ADAMTS17: variants seen among roughly 807,000 people sequenced by gnomAD.
The protein encoded by ADAMTS17 is A disintegrin and metalloproteinase with thrombospondin motifs 17.
Under a neutral mutation model 141.5 loss-of-function variants are expected in ADAMTS17, and 113 were observed. The ratio of observed to expected loss-of-function variants is 0.80; its 90% CI spans 0.69 to 0.93. The LOEUF is 0.93. Ranked by LOEUF, ADAMTS17 falls within the 40% of genes least tolerant of loss-of-function variation. ADAMTS17 has a pLI of 0.00. For synonymous variants in ADAMTS17, 768 were observed against 630.6 expected (o/e 1.22, Z -3.27); for missense variants, 1,659 against 1,517.9 (o/e 1.09, Z -1.54).
At position 100,277,275 on chromosome 15, in the gene ADAMTS17, A is replaced by AG. The variant is rs200931874; in HGVS notation, c.789+3953dup. Among the ~76,000 whole-genome samples, 1,355 of 152,104 alleles carry AG rather than the reference A, an allele frequency of 8.9e-3. 13 individuals carry two copies. The highest frequency in any genetic ancestry group is 0.015 in the Non-Finnish European group (997 of 67,972). ...AGTGTCTTAGTACAAGCAGCTGAAGAGGGGTGCAGGGTGTTTAATCAAAGG... is the reference window on the plus strand; with the variant it reads ...AGTGTCTTAGTACAAGCAGCTGAAGAGGGGGTGCAGGGTGTTTAATCAAAGG... On this transcript the variant is annotated intron_variant, in intron 4 of 21. Coordinates refer to ENST00000268070, the MANE Select transcript of ADAMTS17 (RefSeq NM_139057.4).
intron 3 of ADAMTS17, among the ~76,000 whole-genome samples, chr15:100,306,747 A>C (rs1218746996): frequency 6.6e-6 from 1 of 152,144 alleles, no homozygotes; most frequent in Admixed American, 6.5e-5. Flanking sequence ...CCATGCTCGA[A>C]CTCGGTAGAA....
chr15:100,330,901 T>G lies in ADAMTS17; in HGVS notation c.604A>C (p.Lys202Gln), dbSNP rs376700104. 3 of 1,614,176 alleles carry G rather than the reference T, an allele frequency of 1.9e-6. No individual in the cohort carries two copies. Among genetic ancestry groups the G allele is most frequent in the Non-Finnish European group, 2.5e-6 (3 of 1,180,028 alleles). ...TGCCCCGACTCACCTGTTAGAACCT[T>G]GCAGAGCTGCTCAGGTCTCTGGGCC... ...AEAQRPEQLCKVLTEKKKPTW... is the reference protein window; with the variant it reads ...AEAQRPEQLCQVLTEKKKPTW... Residue 202 changes from lysine (K) to glutamine (Q), a missense_variant, in exon 3 of 22, where the codon AAG becomes CAG. Physicochemically the swap from Lys to Gln is moderately conservative, Grantham distance 53. Coordinates refer to ENST00000268070, the MANE Select transcript of ADAMTS17 (RefSeq NM_139057.4).
intron 15 of ADAMTS17, among the ~76,000 whole-genome samples, chr15:100,057,126 G>A (rs376829133): frequency 2.6e-5 from 4 of 152,056 alleles, no homozygotes; most frequent in Non-Finnish European, 5.9e-5. Flanking sequence ...AGTTCTGGGC[G>A]GGGTGATGGA....
chr15:100,181,538 A>C (rs1486675806), intron 8 of ADAMTS17, among the ~76,000 whole-genome samples: 3 of 152,206 alleles, frequency 2.0e-5, no homozygotes, highest in Non-Finnish European at 4.4e-5. Flanking sequence ...GTTATGAATG[A>C]TGCCAGGACT....
intron 18 of ADAMTS17, among the ~76,000 whole-genome samples, chr15:100,040,477 T>C (rs550904822): frequency 2.0e-5 from 3 of 152,320 alleles, no homozygotes; most frequent in African/African-American, 7.2e-5. Flanking sequence ...ACATAAAAAG[T>C]CAAATGGAAA....
At chr15:100,053,783 A>G in intron 16 of ADAMTS17, 114 bp downstream of exon 16, 2 of 1,510,460 alleles carry the variant, frequency 1.3e-6, no homozygotes, top group Non-Finnish European at 1.8e-6. Context: ...AACCCCTGGA[A>G]GCCAGATGCA....
chr15:100,190,667 C>A (rs895404451), intron 8 of ADAMTS17, among the ~76,000 whole-genome samples: 3 of 152,196 alleles, frequency 2.0e-5, no homozygotes, highest in Non-Finnish European at 4.4e-5. Flanking sequence ...TGGCAGTGGG[C>A]AGTAGGTGCA....
chr15:100,308,409 G>A (rs1259674616), intron 3 of ADAMTS17, among the ~76,000 whole-genome samples: 3 of 152,282 alleles, frequency 2.0e-5, no homozygotes, highest in Admixed American at 6.5e-5. Flanking sequence ...GAACACCATC[G>A]TTCACTCGCT....
rs571078513 is a variant in ADAMTS17 at position 100,232,079 on chromosome 15, G to A, written c.1075+22057C>T. The stretch of plus-strand genomic sequence containing the variant: ...TTGAATTGTCTTAGTGTCAAGACCT[G>A]TTTTCCCTCAGCTGAAGTAATAAAG... On this transcript the variant is annotated intron_variant, in intron 7 of 21. Coordinates refer to ENST00000268070, the MANE Select transcript of ADAMTS17 (RefSeq NM_139057.4). Among the ~76,000 whole-genome samples, 7 of 152,318 alleles carry A rather than the reference G, an allele frequency of 4.6e-5. No homozygotes were observed. In the East Asian group the frequency reaches 7.7e-4, roughly 17 times the overall value.
intron 7 of ADAMTS17, among the ~76,000 whole-genome samples, chr15:100,247,146 C>T (rs577737904): frequency 6.6e-6 from 1 of 152,252 alleles, no homozygotes; most frequent in African/African-American, 2.4e-5. Context: ...CTCGGCCTCC[C>T]AAAGTGCTGA....
intron 1 of ADAMTS17, 113 bp downstream of exon 1, chr15:100,341,708 G>C (rs1310718878): frequency 2.2e-6 from 3 of 1,339,756 alleles, no homozygotes; most frequent in Admixed American, 6.3e-5. Flanking sequence ...TCCTCCGCTC[G>C]GGCGCCGTCA....
intron 9 of ADAMTS17, 39 bp from the exon 10 acceptor site, chr15:100,152,801 T>C (rs2039238756): frequency 6.2e-7 from 1 of 1,608,610 alleles, no homozygotes; most frequent in Non-Finnish European, 8.5e-7. Context: ...GCAAATGTAC[T>C]GCCTAGGTTT....
chr15:100,153,966 G>A (rs190396622), intron 9 of ADAMTS17, among the ~76,000 whole-genome samples: 81 of 152,250 alleles, frequency 5.3e-4, no homozygotes, highest in African/African-American at 1.8e-3. Flanking sequence ...AGATCACCTC[G>A]GATCAGGAGT....
Position 100,054,001 on chromosome 15 carries a change from G to C in ADAMTS17, c.2191C>G (p.Pro731Ala). ...SINSDWKIELPGEFQIAGTTV... is the reference protein window; with the variant it reads ...SINSDWKIELAGEFQIAGTTV... ...GTGCCTGCAATCTGGAACTCTCCGG[G>C]GAGCTCTATCTTCCAGTCACTGTTG... Residue 731 changes from proline (P) to alanine (A), a missense_variant, in exon 16 of 22, where the codon CCC becomes GCC. By Grantham distance (27) the Pro-to-Ala change is conservative. Coordinates refer to ENST00000268070, the MANE Select transcript of ADAMTS17 (RefSeq NM_139057.4). The C allele has an allele frequency of 1.4e-5, 23 of 1,614,146 alleles. No individual in the cohort carries two copies. Among genetic ancestry groups the C allele is most frequent in the Non-Finnish European group, 1.9e-5 (23 of 1,180,028 alleles).
intron 7 of ADAMTS17, among the ~76,000 whole-genome samples, chr15:100,251,642 A>AG (rs1398454406): frequency 6.6e-6 from 1 of 152,144 alleles, no homozygotes; most frequent in East Asian, 1.9e-4. Flanking sequence ...GGAGAATGGC[A>AG]GAACCCGGGA....
chr15:100,021,885 T>G (rs192360320), intron 18 of ADAMTS17, among the ~76,000 whole-genome samples: 1 of 152,176 alleles, frequency 6.6e-6, no homozygotes, highest in Admixed American at 6.5e-5. Flanking sequence ...CATTTCTCGG[T>G]TGGCCAATGT....
chr15:100,034,485 C>A (rs1435356637), intron 18 of ADAMTS17, among the ~76,000 whole-genome samples: 1 of 152,228 alleles, frequency 6.6e-6, no homozygotes, highest in South Asian at 2.1e-4. Flanking sequence ...CTGCCACTAC[C>A]AGGCTGGATG....
intron 18 of ADAMTS17, among the ~76,000 whole-genome samples, chr15:100,007,124 G>T (rs999772849): frequency 1.4e-4 from 22 of 152,334 alleles, no homozygotes; most frequent in African/African-American, 5.1e-4. Context: ...TTTAACATCT[G>T]ACAAGTGCTG....
intron 8 of ADAMTS17, among the ~76,000 whole-genome samples, chr15:100,162,465 TAC>T (rs2039745540): frequency 7.2e-6 from 1 of 138,900 alleles, no homozygotes; most frequent in Non-Finnish European, 1.5e-5. Flanking sequence ...TATGCACATA[TAC>T]ACATTATATG....
Sources: allele counts gnomAD v4.1 joint callset (sites outside exome capture counted in the v4.1 genomes callset), GRCh38; gene constraint gnomAD v4.1.1; transcripts MANE v1.5; gene names NCBI Gene and HGNC (gene_info 2026-07-23, HGNC 2026-07-21).